Variants in LMTK2 observed in about 807,000 individuals in gnomAD.
The protein encoded by LMTK2 is lemur tail kinase 2.
In LMTK2, 37 loss-of-function variants were observed where a neutral mutation model predicts 127.5. That is an observed-to-expected ratio of 0.29 (90% CI 0.22 to 0.38). LMTK2 has a LOEUF of 0.38. Among genes scored for constraint, LMTK2 ranks in the 10% least tolerant of loss-of-function variants. LMTK2 has a pLI of 1.00. For synonymous variants in LMTK2, 819 were observed against 810.1 expected (o/e 1.01, Z -0.19); for missense variants, 1,694 against 1,920.3 (o/e 0.88, Z 2.20).
intron 1 of LMTK2, among the ~76,000 whole-genome samples, chr7:98,122,613 C>T (rs1323964171): frequency 6.6e-6 from 1 of 152,020 alleles, no homozygotes; most frequent in Non-Finnish European, 1.5e-5. Context: ...CTCTTTGTCT[C>T]CTGCTCCTGG....
chr7:98,139,162 G>C (rs1367872717), intron 2 of LMTK2, among the ~76,000 whole-genome samples: 2 of 152,064 alleles, frequency 1.3e-5, no homozygotes, highest in Non-Finnish European at 1.5e-5. Context: ...GTCTCTCTCT[G>C]TCACCCAGGC....
At chr7:98,133,410 T>C (rs1796552732) in intron 1 of LMTK2, among the ~76,000 whole-genome samples, 1 of 152,132 alleles carries the variant, frequency 6.6e-6, no homozygotes, top group South Asian at 2.1e-4. Flanking sequence ...AAGTCTAGAA[T>C]TTACTTCCTC....
rs1797786934 is a variant in LMTK2 at position 98,205,807 on chromosome 7, G to T, written c.*315G>T. ...GCACAGCCTCCATGTGCGCGCGCGT[G>T]TGGAGCTGTGTGCACCGCATGTGTG... On this transcript the variant is annotated 3_prime_UTR_variant, in exon 14 of 14. Transcript: ENST00000297293. The T allele has an allele frequency of 4.3e-6, 2 of 461,696 alleles. No individual in the cohort carries two copies. Among genetic ancestry groups the T allele is most frequent in the Non-Finnish European group, 8.0e-6 (2 of 250,892 alleles). The allele number at this position is 461,696 out of a possible 1,614,324, so 28.6% of individuals were successfully genotyped here.
chr7:98,135,842 C>G (rs1055354217), intron 1 of LMTK2, among the ~76,000 whole-genome samples: 2 of 151,866 alleles, frequency 1.3e-5, no homozygotes, highest in African/African-American at 4.8e-5. Context: ...TTGTGGCTCA[C>G]AGGCAGTATC....
chr7:98,186,304 G>A (rs912937718), intron 8 of LMTK2, among the ~76,000 whole-genome samples: 5 of 151,950 alleles, frequency 3.3e-5, no homozygotes, highest in African/African-American at 7.3e-5. Flanking sequence ...TTTGTGATCC[G>A]CCCACCTCAG....
intron 8 of LMTK2, among the ~76,000 whole-genome samples, chr7:98,185,602 C>T (rs1392248851): frequency 6.6e-6 from 1 of 152,082 alleles, no homozygotes; most frequent in East Asian, 1.9e-4. Context: ...AATGAAGTTT[C>T]CATTTGTGTG....
chr7:98,157,385 T>C (rs1233240897), intron 5 of LMTK2, among the ~76,000 whole-genome samples: 3 of 151,920 alleles, frequency 2.0e-5, no homozygotes, highest in African/African-American at 4.8e-5. Flanking sequence ...AGGATAATAT[T>C]TGACCAAATA....
intron 1 of LMTK2, among the ~76,000 whole-genome samples, chr7:98,129,710 C>CTGT (rs1013657615): frequency 6.6e-6 from 1 of 152,142 alleles, no homozygotes; most frequent in African/African-American, 2.4e-5. Flanking sequence ...TGGTTTCTTT[C>CTGT]TGTTGTTGTT....
chr7:98,157,851 G>C (rs1796952685), intron 5 of LMTK2, among the ~76,000 whole-genome samples: 1 of 152,212 alleles, frequency 6.6e-6, no homozygotes, highest in Non-Finnish European at 1.5e-5. Context: ...GAAGATCTTT[G>C]TGGTGATGGG....
At chr7:98,131,903 C>T (rs888612867) in intron 1 of LMTK2, among the ~76,000 whole-genome samples, 6 of 152,164 alleles carry the variant, frequency 3.9e-5, no homozygotes, top group African/African-American at 1.4e-4. Context: ...GAATAAGCAG[C>T]TCTACTTCCT....
intron 11 of LMTK2, among the ~76,000 whole-genome samples, chr7:98,196,916 A>G (rs1327083236): frequency 1.3e-5 from 2 of 152,236 alleles, no homozygotes; most frequent in African/African-American, 2.4e-5. Context: ...TCGTTTGCTT[A>G]TGCGTCTCAT....
At chr7:98,112,633 G>A (rs55761857) in intron 1 of LMTK2, among the ~76,000 whole-genome samples, 33,178 of 152,074 alleles carry the variant, frequency 0.22, 3,791 homozygotes, top group South Asian at 0.38. Flanking sequence ...GGCAGGTACA[G>A]TGCCCAGTCC....
Position 98,193,282 on chromosome 7 carries a change from G to A in LMTK2, c.2817G>A (p.Arg939=). ...PFSEDHHSHR[R]LEKNLEAVET... Reference sequence around the variant, plus strand: ...CGGAAGACCATCACAGTCATCGCCGGCTAGAGAAAAACTTAGAGGCTGTGG... The same window carrying A: ...CGGAAGACCATCACAGTCATCGCCGACTAGAGAAAAACTTAGAGGCTGTGG... Residue 939 remains arginine (R), a synonymous_variant, in exon 11 of 14, where the codon CGG becomes CGA. Transcript: ENST00000297293. The surrounding 1 kb of genome is among the most constrained non-coding windows in gnomAD (Gnocchi z 4.1). 1.2e-6 allele frequency: 2 copies of A among 1,613,726 alleles called. No homozygotes were observed. The highest frequency in any genetic ancestry group is 1.7e-5 in the Admixed American group (1 of 60,024).
chr7:98,122,751 T>C (rs1049691349), intron 1 of LMTK2, among the ~76,000 whole-genome samples: 4 of 150,542 alleles, frequency 2.7e-5, no homozygotes, highest in Non-Finnish European at 4.4e-5. Context: ...GATCTCACTC[T>C]GTCCCCTAGG....
chr7:98,176,063 C>T (rs7810166), intron 7 of LMTK2, among the ~76,000 whole-genome samples: 8,401 of 152,262 alleles, frequency 0.055, 797 homozygotes, highest in African/African-American at 0.19. Context: ...TACTAGCAAA[C>T]TGCATGTAGC....
intron 3 of LMTK2, among the ~76,000 whole-genome samples, chr7:98,150,966 A>C (rs1296270772): frequency 1.3e-5 from 2 of 152,222 alleles, no homozygotes; most frequent in Admixed American, 1.3e-4. Flanking sequence ...ATCAAAGTGT[A>C]TATTTTAAAT....
Position 98,208,208 on chromosome 7 carries a change from G to A in LMTK2, c.*2716G>A, listed in dbSNP as rs1174147312. 6.6e-6 allele frequency: 1 copy of A among 152,094 alleles called. No homozygotes were observed. The highest frequency in any genetic ancestry group is 1.5e-5 in the Non-Finnish European group (1 of 67,988). The allele number at this position is 152,094 out of a possible 1,614,324, so 9.4% of individuals were successfully genotyped here. A position where few individuals can be genotyped will look rare whatever the true frequency, so the allele number is the denominator to read the frequency against. On this transcript the variant is annotated 3_prime_UTR_variant, in exon 14 of 14. Coordinates refer to ENST00000297293, the MANE Select transcript of LMTK2 (RefSeq NM_014916.4). The stretch of plus-strand genomic sequence containing the variant: ...AAAAAGCATTTTATACATTGAGTTG[G>A]GGGGTAGTGGATCTTAGTGTGGTGT...
At chr7:98,205,135 G>A (rs1156895740) in intron 13 of LMTK2, among the ~76,000 whole-genome samples, 1 of 152,212 alleles carries the variant, frequency 6.6e-6, no homozygotes, top group African/African-American at 2.4e-5. Flanking sequence ...AATACAAAGA[G>A]GCTTTATTTC....
intron 1 of LMTK2, among the ~76,000 whole-genome samples, chr7:98,135,676 C>G (rs1218917295): frequency 6.6e-6 from 1 of 152,074 alleles, no homozygotes; most frequent in Admixed American, 6.6e-5. Flanking sequence ...GTAGCTGAGA[C>G]TTTAATAGTT....
Sources: allele counts gnomAD v4.1 joint callset (sites outside exome capture counted in the v4.1 genomes callset), GRCh38; gene constraint gnomAD v4.1.1; non-coding constraint Gnocchi (gnomAD v3.1); transcripts MANE v1.5; gene names NCBI Gene and HGNC (gene_info 2026-07-23, HGNC 2026-07-21).